Variants in DGKI observed in about 807,000 individuals in gnomAD.
DGKI encodes the protein DAG kinase iota.
DGKI carries 55 observed loss-of-function variants against 147.5 expected under a neutral mutation model. That is an observed-to-expected ratio of 0.37 (90% CI 0.30 to 0.47). DGKI has a LOEUF of 0.47. DGKI is among the 20% of genes least tolerant of loss of function. DGKI has a pLI of 1.00. For synonymous variants in DGKI, 469 were observed against 477.1 expected (o/e 0.98, Z 0.22); for missense variants, 1,007 against 1,323.8 (o/e 0.76, Z 3.71).
intron 28 of DGKI, among the ~76,000 whole-genome samples, chr7:137,424,559 C>A (rs10258843): frequency 1.3e-5 from 2 of 151,990 alleles, no homozygotes; most frequent in African/African-American, 4.8e-5. Context: ...TGCAGTGCAC[C>A]GTGCGCGAGC....
chr7:137,823,869 A>G (rs1797976091), intron 1 of DGKI, among the ~76,000 whole-genome samples: 2 of 152,254 alleles, frequency 1.3e-5, no homozygotes, highest in African/African-American at 4.8e-5. Context: ...GAGTAAGTCC[A>G]TATGAGAATA....
chr7:137,782,430 G>A (rs1181039639), intron 1 of DGKI, among the ~76,000 whole-genome samples: 1 of 152,060 alleles, frequency 6.6e-6, no homozygotes, highest in Non-Finnish European at 1.5e-5. Flanking sequence ...ATCCCCCACA[G>A]CAGCCACAGG....
chr7:137,472,022 T>C (rs1293083297), intron 23 of DGKI, among the ~76,000 whole-genome samples: 1 of 134,146 alleles, frequency 7.5e-6, no homozygotes, highest in African/African-American at 2.8e-5. Flanking sequence ...TATATACATA[T>C]ATATTATATA....
chr7:137,551,332 T>TAA (rs1818038363), intron 20 of DGKI, among the ~76,000 whole-genome samples: 3 of 152,116 alleles, frequency 2.0e-5, no homozygotes, highest in African/African-American at 7.2e-5. Context: ...TGAGGGCACC[T>TAA]GTGTTGCTGG....
At chr7:137,662,539 G>A (rs112159410) in intron 3 of DGKI, among the ~76,000 whole-genome samples, 28 of 270 alleles carry the variant, frequency 0.1, no homozygotes, top group Admixed American at 0.31. Flanking sequence ...CACCGCGCCC[G>A]GCCCCAGCAC....
At chr7:137,518,574 T>C (rs1227466006) in intron 21 of DGKI, among the ~76,000 whole-genome samples, 3 of 152,108 alleles carry the variant, frequency 2.0e-5, no homozygotes, top group East Asian at 3.9e-4. Context: ...TTCCCTATCC[T>C]TATAGACTAC....
At position 137,487,128 on chromosome 7, in the gene DGKI, A is replaced by T. The variant is rs180930193; in HGVS notation, c.2328+482T>A. Reference sequence around the variant, plus strand: ...CTCTAAAGCAAGACTAGATTGAGAAAAAAAAATAGATTATTCTTTTGTGTT... The same window carrying T: ...CTCTAAAGCAAGACTAGATTGAGAATAAAAAATAGATTATTCTTTTGTGTT... On this transcript the variant is annotated intron_variant, in intron 22 of 32. Transcript: ENST00000614521. 1.2e-4 allele frequency among the ~76,000 whole-genome samples: 18 copies of T among 152,272 alleles called. No homozygotes were observed. In the East Asian group the frequency reaches 2.7e-3, roughly 23 times the overall value.
Position 137,593,948 on chromosome 7 carries a change from G to A in DGKI, c.1311+3899C>T, listed in dbSNP as rs1350507690. Reference sequence around the variant, plus strand: ...GTAGATTCAGAAGGTCTCAAAAGAGGTTAAGGAACCTGCCAAAGGTCACAG... The same window carrying A: ...GTAGATTCAGAAGGTCTCAAAAGAGATTAAGGAACCTGCCAAAGGTCACAG... On this transcript the variant is annotated intron_variant, in intron 12 of 32. Coordinates refer to ENST00000614521, the MANE Select transcript of DGKI (RefSeq NM_001321708.2). Among the ~76,000 whole-genome samples the A allele has an allele frequency of 2.6e-5, 4 of 152,296 alleles. No homozygotes were observed. In the East Asian group the frequency reaches 7.7e-4, roughly 29 times the overall value.
chr7:137,642,929 AGTGTGTGTGTGTGTGTGT>A (rs1207086851), intron 6 of DGKI, among the ~76,000 whole-genome samples: 3 of 121,170 alleles, frequency 2.5e-5, no homozygotes, highest in African/African-American at 6.4e-5. Context: ...ATTATGGAAT[AGTGTGTGTGTGTGTGTGT>A]GTGTGTGTGT....
intron 23 of DGKI, among the ~76,000 whole-genome samples, chr7:137,470,140 A>G (rs142312750): frequency 1.4e-4 from 22 of 152,336 alleles, no homozygotes; most frequent in Non-Finnish European, 2.9e-4. Flanking sequence ...CTCTAACCTC[A>G]GCCTTCTCCA....
At chr7:137,427,787 A>T (rs1325964905) in intron 28 of DGKI, among the ~76,000 whole-genome samples, 1 of 152,258 alleles carries the variant, frequency 6.6e-6, no homozygotes, top group Non-Finnish European at 1.5e-5. Flanking sequence ...ACGCAAATCA[A>T]CTAGAATACC....
rs1247549859 is a variant in DGKI, at chr7:137,384,414, G to C, written c.*6806C>G. The C allele has an allele frequency of 7.2e-6, 1 of 138,690 alleles. No homozygotes were observed. The highest frequency in any genetic ancestry group is 1.6e-5 in the Non-Finnish European group (1 of 62,930). The allele number at this position is 138,690 out of a possible 1,614,324, so 8.6% of individuals were successfully genotyped here. A position where few individuals can be genotyped will look rare whatever the true frequency, so the allele number is the denominator to read the frequency against. ...CTTAGGTAAACATTTTTTTTTCATG[G>C]AGGCAACTTCTATATTATGGAAATC... On this transcript the variant is annotated 3_prime_UTR_variant, in exon 33 of 33. Transcript: ENST00000614521.
intron 1 of DGKI, among the ~76,000 whole-genome samples, chr7:137,784,231 C>G (rs181521472): frequency 3.5e-4 from 54 of 152,198 alleles, no homozygotes; most frequent in Non-Finnish European, 1.2e-4. Flanking sequence ...AGGAAACTCA[C>G]CTGACACATA....
chr7:137,471,448 A>T (rs1487349780), intron 23 of DGKI, among the ~76,000 whole-genome samples: 1 of 152,186 alleles, frequency 6.6e-6, no homozygotes, highest in Non-Finnish European at 1.5e-5. Flanking sequence ...GGAGTTAATC[A>T]ACACTCCCTG....
At chr7:137,746,944 G>A (rs1213899302) in intron 1 of DGKI, among the ~76,000 whole-genome samples, 1 of 152,162 alleles carries the variant, frequency 6.6e-6, no homozygotes, top group African/African-American at 2.4e-5. Flanking sequence ...GAAGGGACTA[G>A]AATGGGGAAA....
chr7:137,569,532 T>C (rs1219740937), intron 19 of DGKI, among the ~76,000 whole-genome samples: 4 of 151,368 alleles, frequency 2.6e-5, no homozygotes, highest in East Asian at 1.9e-4. Context: ...ATCGAGACCA[T>C]CCTGGCAAAC....
At chr7:137,594,482 T>C (rs931456125) in intron 12 of DGKI, among the ~76,000 whole-genome samples, 1 of 152,258 alleles carries the variant, frequency 6.6e-6, no homozygotes, top group African/African-American at 2.4e-5. Context: ...TAATTTAAAC[T>C]AATACGGTTA....
chr7:137,783,924 T>C (rs1403017744), intron 1 of DGKI, among the ~76,000 whole-genome samples: 1 of 152,142 alleles, frequency 6.6e-6, no homozygotes, highest in Non-Finnish European at 1.5e-5. Flanking sequence ...GACAAACAAA[T>C]GCTGAGAGAA....
chr7:137,788,145 G>A (rs984693638), intron 1 of DGKI, among the ~76,000 whole-genome samples: 2 of 152,240 alleles, frequency 1.3e-5, no homozygotes, highest in Middle Eastern at 6.8e-3. Context: ...TTAGGGATAC[G>A]ATAATGTGTA....
Sources: gnomAD v4.1 joint callset for allele counts (sites outside exome capture counted in the v4.1 genomes callset) on GRCh38, gnomAD v4.1.1 for gene constraint, MANE v1.5 for transcripts, NCBI Gene and HGNC (gene_info 2026-07-23, HGNC 2026-07-21) for gene names.